PDE4D: variants seen among roughly 807,000 people sequenced by gnomAD.
The protein encoded by PDE4D is 3',5'-cyclic-AMP phosphodiesterase 4D.
A neutral mutation model predicts 87.4 loss-of-function variants in PDE4D; 24 were observed. The observed-to-expected ratio is 0.27, with a 90% CI of 0.20 to 0.39. PDE4D has a LOEUF of 0.39. PDE4D is among the 10% of genes least tolerant of loss of function. PDE4D has a pLI of 1.00. For synonymous variants in PDE4D, 384 were observed against 383.2 expected, an observed-to-expected ratio of 1.00 and a Z score of -0.02; for missense variants, 714 against 1,041.0, an observed-to-expected ratio of 0.69 and a Z score of 4.32.
At chr5:59,029,829 A>AT (rs1757001263) in intron 6 of PDE4D, among the ~76,000 whole-genome samples, 1 of 152,238 alleles carries the variant, frequency 6.6e-6, no homozygotes, top group African/African-American at 2.4e-5. Context: ...TGTTATTGAC[A>AT]TAAAAACAAA....
intron 1 of PDE4D, among the ~76,000 whole-genome samples, chr5:59,268,549 T>C (rs1025153301): frequency 2.0e-5 from 3 of 152,046 alleles, no homozygotes; most frequent in Admixed American, 6.6e-5. Context: ...GGCTGAAGTA[T>C]ACCTTACTTC....
At chr5:59,652,385 A>C (rs928990254) in intron 1 of PDE4D, among the ~76,000 whole-genome samples, 23 of 152,212 alleles carry the variant, frequency 1.5e-4, no homozygotes, top group African/African-American at 4.8e-4. Context: ...CCTTATGTAC[A>C]TCTATCTCCT....
At chr5:59,530,477 A>G (rs1453323768) in intron 1 of PDE4D, among the ~76,000 whole-genome samples, 3 of 152,202 alleles carry the variant, frequency 2.0e-5, no homozygotes, top group Non-Finnish European at 4.4e-5. Flanking sequence ...ACACATCAAT[A>G]TACTTTAAAG....
At chr5:59,788,930 G>A (rs1765475728) in intron 1 of PDE4D, among the ~76,000 whole-genome samples, 1 of 152,120 alleles carries the variant, frequency 6.6e-6, no homozygotes, top group Non-Finnish European at 1.5e-5. Context: ...AGAAAATAAA[G>A]TAAAAAATAC....
chr5:59,533,197 T>C (rs781001653), intron 1 of PDE4D, among the ~76,000 whole-genome samples: 4 of 152,218 alleles, frequency 2.6e-5, no homozygotes. Flanking sequence ...TTTCAAAAAA[T>C]GGCACTTAGA....
intron 1 of PDE4D, among the ~76,000 whole-genome samples, chr5:59,729,942 C>A (rs1052325058): frequency 1.3e-5 from 2 of 151,906 alleles, no homozygotes; most frequent in African/African-American, 4.8e-5. Flanking sequence ...TACAAAATAG[C>A]CCCAGAATAG....
chr5:59,413,281 C>T (rs1463703574), intron 1 of PDE4D, among the ~76,000 whole-genome samples: 1 of 151,774 alleles, frequency 6.6e-6, no homozygotes, highest in Non-Finnish European at 1.5e-5. Context: ...CACGGTGAAA[C>T]CCCGTCTCTA....
intron 1 of PDE4D, among the ~76,000 whole-genome samples, chr5:59,233,113 G>T (rs1755611175): frequency 6.6e-6 from 1 of 152,094 alleles, no homozygotes; most frequent in Admixed American, 6.6e-5. Flanking sequence ...TAGCAGAATA[G>T]GGAGATTATA....
intron 2 of PDE4D, among the ~76,000 whole-genome samples, chr5:60,025,515 T>C (rs2152855580): frequency 6.6e-6 from 1 of 152,274 alleles, no homozygotes; most frequent in Non-Finnish European, 1.5e-5. Context: ...CTTTTTTTCT[T>C]GATTTTTCTC....
intron 1 of PDE4D, among the ~76,000 whole-genome samples, chr5:59,216,226 A>C (rs1240685876): frequency 6.6e-6 from 1 of 152,226 alleles, no homozygotes; most frequent in Non-Finnish European, 1.5e-5. Context: ...ACTTCAGTTA[A>C]AAGGGAAACA....
At chr5:59,287,477 T>G (rs927351801) in intron 1 of PDE4D, among the ~76,000 whole-genome samples, 11 of 152,006 alleles carry the variant, frequency 7.2e-5, no homozygotes, top group African/African-American at 2.7e-4. Context: ...TGCCCAGGAC[T>G]AGGAGGAACT....
intron 1 of PDE4D, among the ~76,000 whole-genome samples, chr5:59,413,084 T>G (rs374270694): frequency 2.0e-5 from 3 of 152,350 alleles, no homozygotes; most frequent in East Asian, 3.9e-4. Context: ...GCTATTAGAC[T>G]CTTCCTGCCC....
chr5:59,221,905 T>C (rs189550950), intron 1 of PDE4D, among the ~76,000 whole-genome samples: 1 of 152,240 alleles, frequency 6.6e-6, no homozygotes, highest in East Asian at 1.9e-4. Flanking sequence ...TTAAAAGAGA[T>C]AACTTTTGCC....
At chr5:60,009,130 C>T (rs1358255025) in intron 2 of PDE4D, among the ~76,000 whole-genome samples, 2 of 152,032 alleles carry the variant, frequency 1.3e-5, no homozygotes, top group African/African-American at 2.4e-5. Context: ...ACAGTATCAT[C>T]AACTGCCTTC....
At position 60,361,851 on chromosome 5, in the gene PDE4D, C is replaced by A. The variant is rs191267768; in HGVS notation, c.-90+126091G>T. On this transcript the variant is annotated intron_variant, in intron 1 of 16. Transcript: ENST00000502484. ...GTTGTTGTTTAATCCACATCACAGT[C>A]GCACATCTTAGTCCACAGTAATTGA... Among the ~76,000 whole-genome samples the A allele has an allele frequency of 3.1e-3, 479 of 152,240 alleles. 5 individuals carry two copies. The highest frequency in any genetic ancestry group is 0.011 in the African/African-American group (454 of 41,532).
chr5:58,993,199 A>C (rs540321813), intron 7 of PDE4D, among the ~76,000 whole-genome samples, 173 bp downstream of exon 7: 2 of 152,178 alleles, frequency 1.3e-5, no homozygotes, highest in South Asian at 2.1e-4. Context: ...TGTCACCTGC[A>C]ACTCTAAAAC....
At position 59,684,834 on chromosome 5, in the gene PDE4D, T is replaced by G. The variant is rs557993304; in HGVS notation, c.455+208334A>C. Among the ~76,000 whole-genome samples, 11 of 152,320 alleles carry G rather than the reference T, an allele frequency of 7.2e-5. No homozygotes were observed. The South Asian group carries it at 2.3e-3, about 32-fold the overall frequency. On this transcript the variant is annotated intron_variant, in intron 1 of 14. Coordinates refer to ENST00000340635, the MANE Select transcript of PDE4D (RefSeq NM_001104631.2). ...ATTCCTCTGATGGCTGATTTTGGCT[T>G]GAGGACTCCCATATGCCTTTGGCTA...
At chr5:59,108,744 A>G (rs1359979331) in intron 5 of PDE4D, among the ~76,000 whole-genome samples, 2 of 151,792 alleles carry the variant, frequency 1.3e-5, no homozygotes, top group African/African-American at 2.4e-5. Flanking sequence ...AAATACAACA[A>G]CGACAAAAAA....
intron 1 of PDE4D, among the ~76,000 whole-genome samples, chr5:59,631,617 C>G (rs982510816): frequency 4.6e-5 from 7 of 152,050 alleles, no homozygotes; most frequent in Non-Finnish European, 1.0e-4. Flanking sequence ...CAGGGTGGGG[C>G]GTCTCCCCAC....
Sources: allele counts gnomAD v4.1 joint callset (sites outside exome capture counted in the v4.1 genomes callset), GRCh38; gene constraint gnomAD v4.1.1; transcripts MANE v1.5; gene names NCBI Gene and HGNC (gene_info 2026-07-23, HGNC 2026-07-21).